TYW1: variants seen among roughly 807,000 people sequenced by gnomAD.
TYW1 encodes the protein tRNA-yW synthesizing protein 1 homolog, also known as S-adenosyl-L-methionine-dependent tRNA 4-demethylwyosine synthase TYW1.
TYW1 carries 46 observed loss-of-function variants against 96.2 expected under a neutral mutation model. That is an observed-to-expected ratio of 0.48 (90% confidence interval 0.38 to 0.61). TYW1 has a LOEUF of 0.61. Among genes scored for constraint, TYW1 ranks in the 20% least tolerant of loss-of-function variants. TYW1 has a pLI of 0.00. For synonymous variants in TYW1, 274 were observed against 323.0 expected (o/e 0.85, Z 1.63); for missense variants, 684 against 909.6 (o/e 0.75, Z 3.19).
intron 8 of TYW1, among the ~76,000 whole-genome samples, chr7:67,053,122 C>A (rs1429503566): frequency 7.2e-6 from 1 of 138,670 alleles, no homozygotes; most frequent in Non-Finnish European, 1.5e-5. Flanking sequence ...GGTTAAGTTA[C>A]TTGGAAATAA....
chr7:67,018,050 C>T lies in TYW1; in HGVS notation c.768C>T (p.Cys256=). 1 of 1,614,036 alleles carries T rather than the reference C, an allele frequency of 6.2e-7. No individual in the cohort carries two copies. The highest frequency in any genetic ancestry group is 8.5e-7 in the Non-Finnish European group (1 of 1,180,024). Residue 256 remains cysteine, a synonymous_variant, in exon 6 of 16, where the codon TGC becomes TGT. Coordinates refer to ENST00000359626, the MANE Select transcript of TYW1 (RefSeq NM_018264.4). ...GERKKSCGGH[C]KKGKCESHQH... ...GAAAGAAGTCCTGTGGCGGCCACTGCAAGAAAGGCAAATGTGAATCTCACC... is the reference window on the plus strand; with the variant it reads ...GAAAGAAGTCCTGTGGCGGCCACTGTAAGAAAGGCAAATGTGAATCTCACC...
chr7:67,156,070 C>A (rs1798960142), intron 13 of TYW1, among the ~76,000 whole-genome samples: 1 of 152,020 alleles, frequency 6.6e-6, no homozygotes, highest in South Asian at 2.1e-4. Context: ...CCAGCCCGAT[C>A]ATTCGTAAGG....
rs189400112 is a variant in TYW1, at chr7:67,184,115, G to A, written c.1809+879G>A. Among the ~76,000 whole-genome samples, 247 of 152,302 alleles carry A rather than the reference G, an allele frequency of 1.6e-3. 1 individual carries two copies. The highest frequency in any genetic ancestry group is 5.7e-3 in the African/African-American group (235 of 41,560). On this transcript the variant is annotated intron_variant, in intron 14 of 15. Coordinates refer to ENST00000359626, the MANE Select transcript of TYW1 (RefSeq NM_018264.4). Reference sequence around the variant, plus strand: ...ATTATAGGTGTGAGCCACTGTGCCCGGCTGATGTGTATTCTTTTGAAACAG... The same window carrying A: ...ATTATAGGTGTGAGCCACTGTGCCCAGCTGATGTGTATTCTTTTGAAACAG...
chr7:67,096,691 C>G (rs969716821), intron 11 of TYW1, among the ~76,000 whole-genome samples: 4 of 151,798 alleles, frequency 2.6e-5, no homozygotes, highest in Non-Finnish European at 5.9e-5. Flanking sequence ...GGTATTAAGC[C>G]CAGTACCCAT....
intron 12 of TYW1, among the ~76,000 whole-genome samples, chr7:67,099,365 G>C (rs1797018220): frequency 6.6e-6 from 1 of 152,084 alleles, no homozygotes; most frequent in Non-Finnish European, 1.5e-5. Context: ...ATTGGTACTT[G>C]AGAAGGTTGG....
At chr7:67,207,495 C>T (rs1800844041) in intron 15 of TYW1, among the ~76,000 whole-genome samples, 1 of 152,120 alleles carries the variant, frequency 6.6e-6, no homozygotes, top group South Asian at 2.1e-4. Context: ...TTCACCATAC[C>T]TTCCTTTTTC....
intron 7 of TYW1, among the ~76,000 whole-genome samples, chr7:67,029,437 A>ACACAT (rs746024597): frequency 6.8e-6 from 1 of 146,560 alleles, no homozygotes; most frequent in Admixed American, 7.0e-5. Context: ...ATATATAAAT[A>ACACAT]GTATTTTCTA....
chr7:67,135,887 T>C (rs1235160976), intron 13 of TYW1, among the ~76,000 whole-genome samples: 2 of 152,208 alleles, frequency 1.3e-5, no homozygotes, highest in Non-Finnish European at 2.9e-5. Context: ...CAGAGAACAT[T>C]CTTATCATAA....
chr7:67,194,490 TGGC>T (rs1160116295), intron 14 of TYW1, among the ~76,000 whole-genome samples: 1 of 152,060 alleles, frequency 6.6e-6, no homozygotes, highest in Non-Finnish European at 1.5e-5. Flanking sequence ...CCAGGCATGG[TGGC>T]AGGCGCCTGT....
chr7:67,038,847 T>A (rs1276046304), intron 7 of TYW1, among the ~76,000 whole-genome samples: 2 of 152,008 alleles, frequency 1.3e-5, no homozygotes, highest in East Asian at 1.9e-4. Flanking sequence ...GAGGTTGCAG[T>A]GAGCCAAGAT....
chr7:67,127,590 A>G (rs1488393341), intron 13 of TYW1, among the ~76,000 whole-genome samples: 2 of 152,196 alleles, frequency 1.3e-5, no homozygotes, highest in African/African-American at 2.4e-5. Context: ...CCAAATTGCT[A>G]TCTGTTGGAT....
intron 15 of TYW1, among the ~76,000 whole-genome samples, chr7:67,207,681 C>CTTCTTTTTTTTTTTTTT (rs71052407): frequency 8.6e-6 from 1 of 116,580 alleles, no homozygotes; most frequent in African/African-American, 3.2e-5. Context: ...TTTTGTTTGC[C>CTTCTTTTTTTTTTTTTT]TTTTTTTTTT....
chr7:67,131,816 G>T (rs1798082728), intron 13 of TYW1, among the ~76,000 whole-genome samples: 1 of 152,176 alleles, frequency 6.6e-6, no homozygotes, highest in Admixed American at 6.5e-5. Flanking sequence ...CAAACCACTG[G>T]TGTAAGTCCA....
rs185399240 is a variant in TYW1, at chr7:67,055,798, A to G, written c.1103-37A>G. 3.7e-4 allele frequency: 571 copies of G among 1,543,402 alleles called. 3 individuals carry two copies. The African/African-American group carries it at 6.8e-3, about 18-fold the overall frequency. The stretch of plus-strand genomic sequence containing the variant: ...GTCACTTTTTGATATGACGCTTTGG[A>G]TCAGTCCAACTTTGTGTTCCCTGCT... On this transcript the variant is annotated intron_variant, in intron 8 of 15. Transcript: ENST00000359626.
intron 13 of TYW1, among the ~76,000 whole-genome samples, chr7:67,137,962 A>G (rs745943048): frequency 7.2e-5 from 11 of 152,152 alleles, no homozygotes; most frequent in Non-Finnish European, 1.0e-4. Flanking sequence ...GAGTACCGAA[A>G]AAGAGTTTTG....
intron 10 of TYW1, among the ~76,000 whole-genome samples, chr7:67,081,050 A>G (rs1473440474): frequency 1.7e-5 from 2 of 115,978 alleles, no homozygotes; most frequent in Admixed American, 1.1e-4. Context: ...CAGTGAGTTT[A>G]TACTTTTGTG....
intron 13 of TYW1, among the ~76,000 whole-genome samples, chr7:67,163,843 A>G (rs1288199756): frequency 6.6e-6 from 1 of 151,736 alleles, no homozygotes; most frequent in Non-Finnish European, 1.5e-5. Flanking sequence ...TAATTTTTGT[A>G]TTTTTAGTAG....
chr7:67,228,507 A>G (rs2949132), intron 15 of TYW1, among the ~76,000 whole-genome samples: 4 of 152,338 alleles, frequency 2.6e-5, no homozygotes, highest in African/African-American at 7.2e-5. Context: ...CAGCCAAACC[A>G]TATCAAGCAG....
At chr7:67,008,367 C>G (rs983201771) in intron 3 of TYW1, among the ~76,000 whole-genome samples, 3 of 152,332 alleles carry the variant, frequency 2.0e-5, no homozygotes, top group East Asian at 1.9e-4. Flanking sequence ...TCCAGCCCCT[C>G]TTCTCTCCCT....
Sources: gnomAD v4.1 joint callset for allele counts (sites outside exome capture counted in the v4.1 genomes callset) on GRCh38, gnomAD v4.1.1 for gene constraint, MANE v1.5 for transcripts, NCBI Gene and HGNC (gene_info 2026-07-23, HGNC 2026-07-21) for gene names.